Variants in RXRG observed in about 807,000 individuals in gnomAD.
RXRG encodes the protein retinoic acid receptor RXR-gamma.
A neutral mutation model predicts 49.2 loss-of-function variants in RXRG; 19 were observed. The ratio of observed to expected loss-of-function variants is 0.39; its 90% CI spans 0.27 to 0.57. The LOEUF (loss-of-function observed/expected upper bound fraction) is 0.57, where lower values mean the gene tolerates loss of function less well. Ranked by LOEUF, RXRG falls within the 20% of genes least tolerant of loss-of-function variation. The pLI is 0.64. For missense variants in RXRG, 452 were observed against 592.5 expected, an observed-to-expected ratio of 0.76 and a Z score of 2.46; for synonymous variants, 224 against 216.6, an observed-to-expected ratio of 1.03 and a Z score of -0.30.
At chr1:165,435,878 G>T (rs1410919673) in intron 1 of RXRG, among the ~76,000 whole-genome samples, 1 of 152,150 alleles carries the variant, frequency 6.6e-6, no homozygotes, top group Non-Finnish European at 1.5e-5. Flanking sequence ...AGTCTTGCTG[G>T]CTGTACCATC....
chr1:165,405,139 T>C (rs1657705458), intron 9 of RXRG, among the ~76,000 whole-genome samples: 2 of 152,364 alleles, frequency 1.3e-5, no homozygotes, highest in South Asian at 4.1e-4. Context: ...AGTTTTTTGT[T>C]GGTTTTTTAA....
intron 1 of RXRG, among the ~76,000 whole-genome samples, chr1:165,440,872 G>T (rs1327095424): frequency 6.6e-6 from 1 of 152,178 alleles, no homozygotes; most frequent in Non-Finnish European, 1.5e-5. Context: ...TCCCCCAGTT[G>T]CTATTCAGCT....
At chr1:165,420,143 T>C in intron 2 of RXRG, 129 bp from the exon 3 acceptor site, 1 of 660,174 alleles carries the variant, frequency 1.5e-6, no homozygotes, top group Non-Finnish European at 2.3e-6. Flanking sequence ...GTACAGAGTA[T>C]TTGAAACTGC....
At chr1:165,422,119 T>A (rs1029308775) in intron 2 of RXRG, among the ~76,000 whole-genome samples, 1 of 152,158 alleles carries the variant, frequency 6.6e-6, no homozygotes, top group Non-Finnish European at 1.5e-5. Flanking sequence ...GTCCTCACCC[T>A]TCCTTCTCCT....
intron 9 of RXRG, among the ~76,000 whole-genome samples, chr1:165,402,448 G>GTTAA (rs1553220157): frequency 6.6e-6 from 1 of 152,028 alleles, no homozygotes; most frequent in African/African-American, 2.4e-5. Flanking sequence ...TAGGAAAAGA[G>GTTAA]AAAATCATAG....
At chr1:165,430,459 C>T (rs972759128) in intron 1 of RXRG, among the ~76,000 whole-genome samples, 1 of 152,144 alleles carries the variant, frequency 6.6e-6, no homozygotes, top group Non-Finnish European at 1.5e-5. Flanking sequence ...CGTAAATATT[C>T]CACTGGAAAA....
chr1:165,423,290 AG>A (rs1382802252), intron 2 of RXRG, among the ~76,000 whole-genome samples: 2 of 152,206 alleles, frequency 1.3e-5, no homozygotes, highest in Non-Finnish European at 2.9e-5. Context: ...AGCACTTTAG[AG>A]CCGGGATTCA....
At chr1:165,413,215 T>C (rs1409130956) in intron 4 of RXRG, among the ~76,000 whole-genome samples, 1 of 152,210 alleles carries the variant, frequency 6.6e-6, no homozygotes, top group African/African-American at 2.4e-5. Context: ...TCTGAGCTAC[T>C]GTTACGACAC....
intron 9 of RXRG, among the ~76,000 whole-genome samples, chr1:165,403,835 G>T (rs1439034990): frequency 3.9e-5 from 6 of 152,164 alleles, no homozygotes; most frequent in African/African-American, 1.4e-4. Context: ...CCTCTTTGTT[G>T]TGTGACCTGG....
chr1:165,439,084 T>A (rs1348641627), intron 1 of RXRG, among the ~76,000 whole-genome samples: 2 of 152,132 alleles, frequency 1.3e-5, no homozygotes, highest in South Asian at 2.1e-4. Flanking sequence ...TTAGAAGTAA[T>A]AAAATTGTAA....
At chr1:165,412,637 G>A (rs190430360) in intron 4 of RXRG, among the ~76,000 whole-genome samples, 112 of 152,236 alleles carry the variant, frequency 7.4e-4, no homozygotes, top group African/African-American at 2.5e-3. Context: ...AAATAATATC[G>A]TAAGGATGAA....
At chr1:165,436,969 T>C in intron 1 of RXRG, 1 of 1,134,364 alleles carries the variant, frequency 8.8e-7, no homozygotes, top group Non-Finnish European at 1.1e-6. Flanking sequence ...ATTTACAAGA[T>C]GTCAGAGGAA....
At chr1:165,428,366 C>T (rs925957108) in intron 2 of RXRG, among the ~76,000 whole-genome samples, 7 of 152,146 alleles carry the variant, frequency 4.6e-5, no homozygotes, top group Non-Finnish European at 7.3e-5. Flanking sequence ...AACAAGAGCA[C>T]GTGGCACTTC....
chr1:165,425,735 A>C (rs1047602412), intron 2 of RXRG, among the ~76,000 whole-genome samples: 2 of 152,158 alleles, frequency 1.3e-5, no homozygotes, highest in Admixed American at 6.5e-5. Flanking sequence ...GGGTCAAGGA[A>C]TATATATTAA....
chr1:165,413,105 C>T (rs955153421), intron 4 of RXRG, among the ~76,000 whole-genome samples: 2 of 152,108 alleles, frequency 1.3e-5, no homozygotes, highest in Non-Finnish European at 2.9e-5. Flanking sequence ...TATGAGCAAA[C>T]CCTTTGCTAT....
chr1:165,409,717 G>A (rs747066707), intron 6 of RXRG, 27 bp from the exon 7 acceptor site: 3 of 1,454,800 alleles, frequency 2.1e-6, no homozygotes, highest in Non-Finnish European at 2.7e-6. Flanking sequence ...GAGGTCTTGA[G>A]GGAAAACAGA....
intron 2 of RXRG, among the ~76,000 whole-genome samples, chr1:165,425,188 C>T (rs1658446563): frequency 1.3e-5 from 2 of 152,220 alleles, no homozygotes; most frequent in Non-Finnish European, 2.9e-5. Context: ...ATGTTTGGCT[C>T]AATCAGACTT....
intron 1 of RXRG, among the ~76,000 whole-genome samples, chr1:165,432,614 T>G (rs1658703804): frequency 6.6e-6 from 1 of 152,228 alleles, no homozygotes; most frequent in South Asian, 2.1e-4. Flanking sequence ...CCATGGAAAC[T>G]GCAGCCAATA....
chr1:165,403,258 CTAGACA>C (rs1192522230), intron 9 of RXRG, among the ~76,000 whole-genome samples: 1 of 152,152 alleles, frequency 6.6e-6, no homozygotes, highest in African/African-American at 2.4e-5. Flanking sequence ...ATTAATGCTA[CTAGACA>C]TAAAGTCACT....
Sources: allele counts gnomAD v4.1 joint callset (sites outside exome capture counted in the v4.1 genomes callset), GRCh38; gene constraint gnomAD v4.1.1; transcripts MANE v1.5; gene names NCBI Gene and HGNC (gene_info 2026-07-23, HGNC 2026-07-21).